Variants in GHR observed in about 807,000 individuals in gnomAD.
GHR encodes the protein GH receptor.
GHR carries 35 observed loss-of-function variants against 67.1 expected under a neutral mutation model. The observed-to-expected ratio is 0.52, with a 90% CI of 0.40 to 0.69. The LOEUF (loss-of-function observed/expected upper bound fraction) is 0.69, where lower values mean the gene tolerates loss of function less well. Ranked by LOEUF, GHR falls within the 30% of genes least tolerant of loss-of-function variation. The probability of loss-of-function intolerance (pLI) is 0.00; values close to 1 mark genes in which losing one functional copy is unlikely to be tolerated. For synonymous variants in GHR, 272 were observed against 269.1 expected, an observed-to-expected ratio of 1.01 and a Z score of -0.10; for missense variants, 792 against 764.6, an observed-to-expected ratio of 1.04 and a Z score of -0.42.
intron 3 of GHR, among the ~76,000 whole-genome samples, chr5:42,629,485 C>T (rs1753848266): frequency 7.6e-6 from 1 of 131,542 alleles, no homozygotes; most frequent in Non-Finnish European, 1.6e-5. Context: ...CTTGCTCCCA[C>T]TCTCGCCCTG....
Position 42,445,851 on chromosome 5 carries a change from G to A in GHR, c.-12+21896G>A, listed in dbSNP as rs116723148. 3.8e-3 allele frequency among the ~76,000 whole-genome samples: 581 copies of A among 152,288 alleles called. 4 individuals are homozygous for A. Among genetic ancestry groups the A allele is most frequent in the African/African-American group, 0.014 (564 of 41,554 alleles). On this transcript the variant is annotated intron_variant, in intron 1 of 9. Transcript: ENST00000230882. ...TTAAGGTCCTTGTCTCTTGGTGATA[G>A]TTCTTTACATATTGAAGTGCCAGGG... is the stretch of plus-strand genomic sequence containing the variant.
At chr5:42,507,105 G>A (rs1746810556) in intron 1 of GHR, among the ~76,000 whole-genome samples, 1 of 152,184 alleles carries the variant, frequency 6.6e-6, no homozygotes, top group Admixed American at 6.5e-5. Context: ...CAGAATCTTA[G>A]AGGCTTTTAT....
At chr5:42,708,047 C>A (rs2111794613) in intron 6 of GHR, among the ~76,000 whole-genome samples, 1 of 152,024 alleles carries the variant, frequency 6.6e-6, no homozygotes, top group Admixed American at 6.6e-5. Context: ...AGCTAAAGAC[C>A]TCCCTTTAGC....
chr5:42,478,403 T>C (rs1033337311), intron 1 of GHR, among the ~76,000 whole-genome samples: 3 of 152,168 alleles, frequency 2.0e-5, no homozygotes, highest in Non-Finnish European at 4.4e-5. Flanking sequence ...TAAAGTAGTT[T>C]TTTCCAATTC....
chr5:42,511,414 G>A (rs1282812865), intron 1 of GHR, among the ~76,000 whole-genome samples: 3 of 152,018 alleles, frequency 2.0e-5, no homozygotes, highest in East Asian at 3.8e-4. Flanking sequence ...ATTAAGATCC[G>A]TGAGGGCAAG....
intron 2 of GHR, among the ~76,000 whole-genome samples, chr5:42,586,399 G>T (rs1470711039): frequency 1.3e-5 from 2 of 152,142 alleles, no homozygotes; most frequent in Non-Finnish European, 2.9e-5. Context: ...GCAAGAAAAA[G>T]CTTTTTTCTC....
At position 42,449,548 on chromosome 5, in the gene GHR, G is replaced by C. The variant is rs541073370; in HGVS notation, c.-12+25593G>C. Among the ~76,000 whole-genome samples the C allele has an allele frequency of 1.9e-3, 293 of 152,138 alleles. 2 individuals are homozygous for C. The highest frequency in any genetic ancestry group is 3.4e-3 in the Middle Eastern group (1 of 294). ...TAGGAGCTTTTTGGAGGAGTCTTTA[G>C]GATTTTCTAGGTATACAATCATGTC... On this transcript the variant is annotated intron_variant, in intron 1 of 9. Coordinates refer to ENST00000230882, the MANE Select transcript of GHR (RefSeq NM_000163.5).
At chr5:42,584,487 C>A (rs532307257) in intron 2 of GHR, among the ~76,000 whole-genome samples, 2 of 152,184 alleles carry the variant, frequency 1.3e-5, no homozygotes, top group East Asian at 3.9e-4. Flanking sequence ...CTATGTTAAC[C>A]AATAGGGCAG....
At chr5:42,587,508 G>A (rs1282168383) in intron 2 of GHR, among the ~76,000 whole-genome samples, 1 of 152,114 alleles carries the variant, frequency 6.6e-6, no homozygotes, top group Non-Finnish European at 1.5e-5. Context: ...GCCACCCCGA[G>A]GCTGGAAGCT....
intron 2 of GHR, among the ~76,000 whole-genome samples, chr5:42,594,511 T>G (rs1366360146): frequency 6.6e-6 from 1 of 152,182 alleles, no homozygotes; most frequent in African/African-American, 2.4e-5. Context: ...GATATATTAT[T>G]AAAATAATGT....
intron 3 of GHR, among the ~76,000 whole-genome samples, chr5:42,650,345 A>C (rs565502132): frequency 4.3e-4 from 65 of 152,228 alleles, no homozygotes; most frequent in Non-Finnish European, 6.9e-4. Flanking sequence ...GGAAAATGCT[A>C]GTACCAACCA....
At chr5:42,661,293 A>T (rs563945674) in intron 3 of GHR, among the ~76,000 whole-genome samples, 1 of 152,342 alleles carries the variant, frequency 6.6e-6, no homozygotes, top group East Asian at 1.9e-4. Context: ...GCTCCAAGAC[A>T]CATAATTGTC....
chr5:42,498,244 A>G (rs1271814079), intron 1 of GHR, among the ~76,000 whole-genome samples: 1 of 152,180 alleles, frequency 6.6e-6, no homozygotes, highest in Non-Finnish European at 1.5e-5. Context: ...GTTGACACCA[A>G]GTCAAAAAGC....
chr5:42,441,556 C>T (rs1477353166), intron 1 of GHR, among the ~76,000 whole-genome samples: 1 of 151,808 alleles, frequency 6.6e-6, no homozygotes, highest in Non-Finnish European at 1.5e-5. Flanking sequence ...GTCGCCCAGG[C>T]TGGAGTGCAG....
chr5:42,510,130 A>G (rs2112261984), intron 1 of GHR, among the ~76,000 whole-genome samples: 1 of 152,254 alleles, frequency 6.6e-6, no homozygotes, highest in Admixed American at 6.5e-5. Context: ...TGGGTTAAAA[A>G]ATGTTGGAGT....
Position 42,688,948 on chromosome 5 carries a change from A to G in GHR, c.195A>G (p.Ser65=), listed in dbSNP as rs140501920. 426 of 1,613,112 alleles carry G rather than the reference A, an allele frequency of 2.6e-4. No homozygotes were observed. Among genetic ancestry groups the G allele is most frequent in the Non-Finnish European group, 3.5e-4 (411 of 1,179,204 alleles). ...GTTCACCTGAGCGAGAGACTTTTTC[A>G]TGCCACTGGACAGATGAGGTTCATC... ...KCRSPERETF[S]CHWTDEVHHG... Residue 65 remains serine, a synonymous_variant, in exon 4 of 10, where the codon TCA becomes TCG. Transcript: ENST00000230882.
chr5:42,720,269 A>G lies in GHR; in HGVS notation c.*845A>G, dbSNP rs892953304. On this transcript the variant is annotated 3_prime_UTR_variant, in exon 10 of 10. Coordinates refer to ENST00000230882, the MANE Select transcript of GHR (RefSeq NM_000163.5). Reference sequence around the variant, plus strand: ...AAACTTTAAAGCGTTTGCACAGATCAACTTACCAGGCACCAAAAGAAGTAA... The same window carrying G: ...AAACTTTAAAGCGTTTGCACAGATCGACTTACCAGGCACCAAAAGAAGTAA... The G allele has an allele frequency of 1.3e-5, 2 of 152,228 alleles. No homozygotes were observed. The highest frequency in any genetic ancestry group is 4.8e-5 in the African/African-American group (2 of 41,468). The allele number at this position is 152,228 out of a possible 1,614,324, so 9.4% of individuals were successfully genotyped here. A position where few individuals can be genotyped will look rare whatever the true frequency, so the allele number is the denominator to read the frequency against.
chr5:42,673,078 C>A (rs1313269037), intron 3 of GHR, among the ~76,000 whole-genome samples: 1 of 152,058 alleles, frequency 6.6e-6, no homozygotes, highest in East Asian at 1.9e-4. Flanking sequence ...CAAAAAACAA[C>A]CCCATTTAAA....
chr5:42,718,537 G>C lies in GHR; in HGVS notation c.1030G>C (p.Glu344Gln), dbSNP rs1434770145. 6.2e-7 allele frequency: 1 copy of C among 1,613,774 alleles called. No individual in the cohort carries two copies. Among genetic ancestry groups the C allele is most frequent in the Admixed American group, 1.7e-5 (1 of 60,014 alleles). Reference sequence around the variant, plus strand: ...ATTCCACAGTGATGACTCTTGGGTTGAATTTATTGAGCTAGATATTGATGA... The same window carrying C: ...ATTCCACAGTGATGACTCTTGGGTTCAATTTATTGAGCTAGATATTGATGA... ...PEFHSDDSWV[E>Q]FIELDIDEPD... is the part of the protein sequence containing the mutation. The change falls in exon 10 of 10, where the codon GAA becomes CAA. Residue 344 changes from glutamate (E) to glutamine (Q), a missense_variant. Transcript: ENST00000230882.
Sources: allele counts gnomAD v4.1 joint callset (sites outside exome capture counted in the v4.1 genomes callset), GRCh38; gene constraint gnomAD v4.1.1; transcripts MANE v1.5; gene names NCBI Gene and HGNC (gene_info 2026-07-23, HGNC 2026-07-21).